Variants in FAM20A observed in about 807,000 individuals in gnomAD.
The protein encoded by FAM20A is FAM20A golgi associated secretory pathway pseudokinase, also known as pseudokinase FAM20A.
A neutral mutation model predicts 52.0 loss-of-function variants in FAM20A; 42 were observed. That is an observed-to-expected ratio of 0.81 (90% CI 0.63 to 1.04). The LOEUF is 1.04. Among genes scored for constraint, FAM20A ranks in the 50% least tolerant of loss-of-function variants. The pLI, the probability that FAM20A is intolerant of heterozygous loss-of-function variation, is 0.00. For synonymous variants in FAM20A, 304 were observed against 298.9 expected (o/e 1.02, Z -0.18); for missense variants, 742 against 712.7 (o/e 1.04, Z -0.47).
chr17:68,539,234 T>G, intron 10 of FAM20A, 103 bp downstream of exon 10: 2 of 1,094,878 alleles, frequency 1.8e-6, no homozygotes, highest in South Asian at 2.6e-5. Context: ...CCCACTTACG[T>G]CCTGGACCAG....
intron 1 of FAM20A, among the ~76,000 whole-genome samples, chr17:68,590,735 A>G (rs2088280437): frequency 6.6e-6 from 1 of 152,214 alleles, no homozygotes; most frequent in African/African-American, 2.4e-5. Flanking sequence ...GTACCATGTT[A>G]GTCACTAAAG....
intron 1 of FAM20A, among the ~76,000 whole-genome samples, chr17:68,580,639 C>A (rs150217657): frequency 2.5e-3 from 382 of 152,304 alleles, no homozygotes; most frequent in African/African-American, 8.1e-3. Flanking sequence ...CATGGATTGT[C>A]CCAGGGTGGA....
rs148840877 is a variant in FAM20A, at chr17:68,540,545, A to G, written c.1219+304T>C. ...TATTTGTGTACTTTCTTCCCTTCCTACCTGGTTTCCCCTCACTTGGTGAAG... is the reference window on the plus strand; with the variant it reads ...TATTTGTGTACTTTCTTCCCTTCCTGCCTGGTTTCCCCTCACTTGGTGAAG... On this transcript the variant is annotated intron_variant, in intron 8 of 10. Transcript: ENST00000592554. 14 of 510,546 alleles carry G rather than the reference A, an allele frequency of 2.7e-5. No individual in the cohort carries two copies. In the East Asian group the frequency reaches 7.6e-4, roughly 28 times the overall value. 31.6% of individuals were successfully genotyped at this position (510,546 alleles called of 1,614,324 possible).
intron 3 of FAM20A, among the ~76,000 whole-genome samples, 157 bp downstream of exon 3, chr17:68,554,617 CTTG>C (rs541748635): frequency 2.3e-4 from 35 of 152,168 alleles, no homozygotes; most frequent in African/African-American, 8.2e-4. Context: ...AGTGCCTTTT[CTTG>C]TTGTGGGTGG....
intron 1 of FAM20A, among the ~76,000 whole-genome samples, chr17:68,576,949 A>G (rs1308901070): frequency 6.6e-6 from 1 of 152,114 alleles, no homozygotes; most frequent in Admixed American, 6.5e-5. Flanking sequence ...CCCTCACAAC[A>G]ACTTTCAGAC....
At chr17:68,542,669 A>G in intron 6 of FAM20A, 25 bp downstream of exon 6, 3 of 1,567,528 alleles carry the variant, frequency 1.9e-6, no homozygotes. Flanking sequence ...TCAGACCCGG[A>G]ATATCACTCG....
intron 1 of FAM20A, chr17:68,558,346 G>A (rs1443699419): frequency 4.5e-6 from 2 of 445,008 alleles, no homozygotes; most frequent in Admixed American, 2.4e-5. Flanking sequence ...ATATGGTTTG[G>A]ATGTTTGTCC....
At chr17:68,581,413 T>TCTTC in intron 1 of FAM20A, among the ~76,000 whole-genome samples, 1 of 146,740 alleles carries the variant, frequency 6.8e-6, no homozygotes, top group Non-Finnish European at 1.5e-5. Flanking sequence ...TTTCTTTCTT[T>TCTTC]CTTTTTCTCT....
intron 1 of FAM20A, among the ~76,000 whole-genome samples, chr17:68,560,137 G>A (rs934470339): frequency 1.3e-5 from 2 of 152,102 alleles, no homozygotes; most frequent in African/African-American, 4.8e-5. Flanking sequence ...GTTTCACCAT[G>A]TTGGCCAGAT....
rs1262403246 is a variant in FAM20A at position 68,536,377 on chromosome 17, A to C, written c.*1100T>G. 8.8e-6 allele frequency: 4 copies of C among 454,016 alleles called. No individual in the cohort carries two copies. The highest frequency in any genetic ancestry group is 8.0e-5 in the African/African-American group (4 of 50,012). 28.1% of individuals were successfully genotyped at this position (454,016 alleles called of 1,614,324 possible). ...CTGTCCTTTGTGTTTTCGGTCATTA[A>C]TTATGGAATAAGAAACAAAGCCTCC... On this transcript the variant is annotated 3_prime_UTR_variant, in exon 11 of 11. Transcript: ENST00000592554.
At chr17:68,578,930 G>A (rs936905286) in intron 1 of FAM20A, among the ~76,000 whole-genome samples, 2 of 143,072 alleles carry the variant, frequency 1.4e-5, no homozygotes, top group African/African-American at 5.1e-5. Context: ...TAGAAGAATT[G>A]TTTGAACCCG....
intron 1 of FAM20A, among the ~76,000 whole-genome samples, chr17:68,562,333 G>A (rs1174524523): frequency 3.3e-5 from 5 of 152,180 alleles, no homozygotes; most frequent in Admixed American, 3.3e-4. Flanking sequence ...GACGTAGAAG[G>A]ATGTCTAATT....
At chr17:68,590,953 G>T (rs774128820) in intron 1 of FAM20A, among the ~76,000 whole-genome samples, 1 of 152,100 alleles carries the variant, frequency 6.6e-6, no homozygotes, top group East Asian at 1.9e-4. Context: ...CTTTGCCCAG[G>T]ATCTTTCTTT....
intron 4 of FAM20A, among the ~76,000 whole-genome samples, chr17:68,547,277 A>AT (rs912095594): frequency 1.1e-4 from 17 of 152,128 alleles, no homozygotes; most frequent in South Asian, 2.1e-4. Flanking sequence ...TATTATTATT[A>AT]TTTTTTTATT....
At chr17:68,542,590 G>C (rs2143506807) in intron 6 of FAM20A, 104 bp downstream of exon 6, 1 of 873,736 alleles carries the variant, frequency 1.1e-6, no homozygotes, top group East Asian at 2.4e-5. Context: ...CCCAGTAATG[G>C]ATAGTGCTAG....
chr17:68,589,032 C>T (rs571123433), intron 1 of FAM20A, among the ~76,000 whole-genome samples: 1 of 152,278 alleles, frequency 6.6e-6, no homozygotes, highest in South Asian at 2.1e-4. Context: ...CCTGAATCTC[C>T]CCAGATAGCC....
rs756669494 is a variant in FAM20A, at chr17:68,565,832, C to A, written c.405-10089G>T. Among the ~76,000 whole-genome samples, 79 of 152,182 alleles carry A rather than the reference C, an allele frequency of 5.2e-4. 1 individual carries two copies. Among genetic ancestry groups the A allele is most frequent in the Admixed American group, 2.9e-3 (44 of 15,276 alleles). On this transcript the variant is annotated intron_variant, in intron 1 of 10. Transcript: ENST00000592554. ...CTCCACTCCAGGCCTCCATCACTGC[C>A]AAATTCACTGTCCAGGGCACAGCTG...
chr17:68,540,858 A>T lies in FAM20A; in HGVS notation c.1210T>A (p.Phe404Ile). 1 of 1,600,388 alleles carries T rather than the reference A, an allele frequency of 6.2e-7. No homozygotes were observed. Among genetic ancestry groups the T allele is most frequent in the South Asian group, 1.1e-5 (1 of 88,956 alleles). ...GCGTGTGGGGACCTACCTATCAAGAAGTCGAAGATGGCCATGTCGATGACA... is the reference window on the plus strand; with the variant it reads ...GCGTGTGGGGACCTACCTATCAAGATGTCGAAGATGGCCATGTCGATGACA... The part of the protein sequence containing the change: ...LNVIDMAIFD[F>I]LIGNMDRHHY... The change falls in exon 8 of 11, where the codon TTC becomes ATC. Residue 404 changes from phenylalanine (F) to isoleucine (I), a missense_variant. Phe to Ile is a conservative substitution (Grantham distance 21). Coordinates refer to ENST00000592554, the MANE Select transcript of FAM20A (RefSeq NM_017565.4).
At chr17:68,543,587 G>T (rs2086410113) in intron 5 of FAM20A, 42 bp downstream of exon 5, 3 of 1,562,504 alleles carry the variant, frequency 1.9e-6, no homozygotes, top group Admixed American at 1.7e-5. Flanking sequence ...CCAGAGGATT[G>T]GTCCTTATAG....
Sources: allele counts gnomAD v4.1 joint callset (sites outside exome capture counted in the v4.1 genomes callset), GRCh38; gene constraint gnomAD v4.1.1; transcripts MANE v1.5; gene names NCBI Gene and HGNC (gene_info 2026-07-23, HGNC 2026-07-21).